Variants in SLC39A11 observed in about 807,000 individuals in gnomAD.
SLC39A11 encodes solute carrier family 39 member 11.
SLC39A11 carries 33 observed loss-of-function variants against 36.1 expected under a neutral mutation model. That is an observed-to-expected ratio of 0.91 (90% CI 0.69 to 1.22). The LOEUF is 1.22. Ranked by LOEUF, SLC39A11 falls within the 50% of genes most tolerant of loss-of-function variation. The pLI is 0.00. For synonymous variants in SLC39A11, 166 were observed against 170.3 expected (o/e 0.97, Z 0.20); for missense variants, 432 against 430.3 (o/e 1.00, Z -0.03).
chr17:72,769,127 C>A (rs963296691), intron 6 of SLC39A11, among the ~76,000 whole-genome samples: 16 of 152,154 alleles, frequency 1.1e-4, no homozygotes, highest in African/African-American at 3.9e-4. Flanking sequence ...TGCTCACCAC[C>A]CTCTCACAAT....
In SLC39A11 at chr17:72,907,288, G is replaced by A. The variant is rs183607968; in HGVS notation, c.430+40464C>T. 1.0e-3 allele frequency among the ~76,000 whole-genome samples: 154 copies of A among 152,256 alleles called. 1 individual carries two copies. The highest frequency in any genetic ancestry group is 3.6e-3 in the African/African-American group (149 of 41,548). ...GCGCATCATTTGAGCTCAGGAGTTC[G>A]AGACCAGCCTGGCCAACATGATGAA... On this transcript the variant is annotated intron_variant, in intron 5 of 9. Transcript: ENST00000255559.
intron 4 of SLC39A11, among the ~76,000 whole-genome samples, chr17:72,951,270 A>AAAAAG (rs2085845336): frequency 6.6e-6 from 1 of 151,720 alleles, no homozygotes. Context: ...GCAAAAAAAA[A>AAAAAG]AAAAAAAAGC....
At chr17:72,935,010 C>T (rs758537809) in intron 5 of SLC39A11, among the ~76,000 whole-genome samples, 4 of 152,144 alleles carry the variant, frequency 2.6e-5, no homozygotes, top group Non-Finnish European at 5.9e-5. Flanking sequence ...ATCTCACTCC[C>T]GGGTATTTAG....
intron 4 of SLC39A11, among the ~76,000 whole-genome samples, chr17:73,003,227 C>G (rs537745217): frequency 6.6e-6 from 1 of 152,296 alleles, no homozygotes; most frequent in South Asian, 2.1e-4. Flanking sequence ...TTTTTCAAAA[C>G]TTACAGTGGA....
At chr17:72,947,627 G>A (rs771092638) in intron 5 of SLC39A11, 125 bp downstream of exon 5, 16 of 1,391,068 alleles carry the variant, frequency 1.2e-5, no homozygotes, top group Admixed American at 8.7e-5. Context: ...TGAGTGATTC[G>A]GAGGGATAGG....
chr17:72,650,938 G>C (rs2069823339), intron 7 of SLC39A11, among the ~76,000 whole-genome samples: 1 of 152,162 alleles, frequency 6.6e-6, no homozygotes, highest in Admixed American at 6.5e-5. Flanking sequence ...AGAACACCAA[G>C]GCGAATCCCC....
At chr17:72,963,287 C>A (rs939238488) in intron 4 of SLC39A11, among the ~76,000 whole-genome samples, 1 of 149,898 alleles carries the variant, frequency 6.7e-6, no homozygotes, top group Non-Finnish European at 1.5e-5. Flanking sequence ...TCTCCTTCCT[C>A]AGCCTCCAGA....
At chr17:72,846,992 C>A (rs565242226) in intron 6 of SLC39A11, among the ~76,000 whole-genome samples, 3 of 152,216 alleles carry the variant, frequency 2.0e-5, no homozygotes, top group Admixed American at 6.5e-5. Flanking sequence ...CTTTAAGATA[C>A]GGGGTGGGCA....
chr17:72,788,075 C>T (rs2076578907), intron 6 of SLC39A11, among the ~76,000 whole-genome samples: 1 of 152,228 alleles, frequency 6.6e-6, no homozygotes, highest in Non-Finnish European at 1.5e-5. Flanking sequence ...CAAGTAGGCA[C>T]AGTTCAAGTA....
At chr17:72,659,552 C>G (rs1419107440) in intron 7 of SLC39A11, among the ~76,000 whole-genome samples, 2 of 144,724 alleles carry the variant, frequency 1.4e-5, no homozygotes, top group Admixed American at 7.0e-5. Flanking sequence ...GCCTATCTCT[C>G]TTACACGTGT....
intron 7 of SLC39A11, among the ~76,000 whole-genome samples, chr17:72,653,983 A>T (rs1165112500): frequency 6.6e-6 from 1 of 152,200 alleles, no homozygotes; most frequent in Non-Finnish European, 1.5e-5. Flanking sequence ...AAATCTAGCT[A>T]CAGATGTTTA....
chr17:72,987,038 C>T lies in SLC39A11; in HGVS notation c.307-39163G>A, dbSNP rs192943619. ...GGCCTGGTAGGAGGGGTTTGGGTCA[C>T]GGGAGCAGATCCCTCATGAATGGTT... On this transcript the variant is annotated intron_variant, in intron 4 of 9. Transcript: ENST00000255559. Among the ~76,000 whole-genome samples, 93 of 152,274 alleles carry T rather than the reference C, an allele frequency of 6.1e-4. No homozygotes were observed. In the East Asian group the frequency reaches 0.015, roughly 24 times the overall value.
chr17:72,947,266 ATGGCGCCAC>A (rs1325803330), intron 5 of SLC39A11, among the ~76,000 whole-genome samples: 1 of 151,780 alleles, frequency 6.6e-6, no homozygotes, highest in Non-Finnish European at 1.5e-5. Context: ...GTGGGCTGAG[ATGGCGCCAC>A]TGCACTCCAG....
intron 5 of SLC39A11, among the ~76,000 whole-genome samples, chr17:72,942,692 T>C (rs1028345864): frequency 6.6e-6 from 1 of 152,216 alleles, no homozygotes; most frequent in Non-Finnish European, 1.5e-5. Flanking sequence ...TTTGCTTCCG[T>C]AGGCTTAGGC....
intron 6 of SLC39A11, among the ~76,000 whole-genome samples, chr17:72,795,260 C>T (rs1008320203): frequency 6.6e-6 from 1 of 152,026 alleles, no homozygotes; most frequent in African/African-American, 2.4e-5. Flanking sequence ...GTAGCCTGGG[C>T]TGTTGTCATC....
chr17:73,035,116 A>G (rs1429293417), intron 3 of SLC39A11, among the ~76,000 whole-genome samples: 2 of 152,126 alleles, frequency 1.3e-5, no homozygotes, highest in East Asian at 1.9e-4. Context: ...AAAGCACCCA[A>G]AGCAAAATTC....
chr17:72,941,169 G>A (rs1437604449), intron 5 of SLC39A11, among the ~76,000 whole-genome samples: 1 of 151,968 alleles, frequency 6.6e-6, no homozygotes, highest in Admixed American at 6.6e-5. Context: ...GCTACTCCGG[G>A]GGCTGAGGTG....
At chr17:72,815,583 C>G (rs1303926260) in intron 6 of SLC39A11, among the ~76,000 whole-genome samples, 1 of 152,042 alleles carries the variant, frequency 6.6e-6, no homozygotes, top group Non-Finnish European at 1.5e-5. Flanking sequence ...CACCACTGCA[C>G]TCCAGCCTGG....
intron 6 of SLC39A11, among the ~76,000 whole-genome samples, chr17:72,771,342 C>T (rs543525834): frequency 2.2e-5 from 3 of 136,966 alleles, no homozygotes; most frequent in South Asian, 2.4e-4. Flanking sequence ...GGCAACAGAG[C>T]GAGACCCTAT....
Sources: allele counts gnomAD v4.1 joint callset (sites outside exome capture counted in the v4.1 genomes callset), GRCh38; gene constraint gnomAD v4.1.1; transcripts MANE v1.5; gene names NCBI Gene and HGNC (gene_info 2026-07-23, HGNC 2026-07-21).